TMEM243: variants seen among roughly 807,000 people sequenced by gnomAD.
The protein encoded by TMEM243 is transmembrane protein 243, also known as MDR1 and mitochondrial taxol resistance associated.
Under a neutral mutation model 15.0 loss-of-function variants are expected in TMEM243, and 20 were observed. The observed-to-expected ratio is 1.33, with a 90% CI of 0.94 to 1.93. TMEM243 has a LOEUF of 1.93. Among genes scored for constraint, TMEM243 ranks in the 30% most tolerant of loss-of-function variants. The pLI, the probability that TMEM243 is intolerant of heterozygous loss-of-function variation, is 0.00. For synonymous variants in TMEM243, 72 were observed against 52.7 expected (o/e 1.37, Z -1.59); for missense variants, 156 against 142.1 (o/e 1.10, Z -0.50).
chr7:87,214,871 A>G (rs1802994448), intron 1 of TMEM243, among the ~76,000 whole-genome samples: 1 of 152,216 alleles, frequency 6.6e-6, no homozygotes, highest in Admixed American at 6.5e-5. Flanking sequence ...TGTTTCATAT[A>G]CACCTTACAC....
At chr7:87,219,766 G>A, upstream of TMEM243, 1 of 494,966 alleles carries the variant, frequency 2.0e-6, no homozygotes, top group Non-Finnish European at 3.6e-6. Flanking sequence ...CAGACTCTCA[G>A]CGGGACGCCC....
At chr7:87,200,853 T>C (rs1562878003) in intron 1 of TMEM243, among the ~76,000 whole-genome samples, 1 of 152,190 alleles carries the variant, frequency 6.6e-6, no homozygotes, top group Non-Finnish European at 1.5e-5. Context: ...GTGCTAGTGC[T>C]GGTCTAGACA....
chr7:87,219,784 G>A, upstream of TMEM243: 2 of 457,838 alleles, frequency 4.4e-6, no homozygotes, highest in South Asian at 5.3e-5. Context: ...CCCCCGCCCG[G>A]GCAGCTCCCA....
At chr7:87,203,976 G>C (rs1442561017) in intron 1 of TMEM243, among the ~76,000 whole-genome samples, 1 of 152,120 alleles carries the variant, frequency 6.6e-6, no homozygotes, top group South Asian at 2.1e-4. Context: ...TGCTGATAAA[G>C]ACATACCCAA....
At chr7:87,219,381 C>T (rs763666571) in intron 1 of TMEM243, 45 bp downstream of exon 1, 1 of 1,587,686 alleles carries the variant, frequency 6.3e-7, no homozygotes, top group Non-Finnish European at 8.6e-7. Flanking sequence ...GGGCAGGCAG[C>T]AGACACACCC....
Position 87,219,603 on chromosome 7 carries a change from C to G in TMEM243, c.-100G>C, listed in dbSNP as rs755783344. 2 of 1,088,548 alleles carry G rather than the reference C, an allele frequency of 1.8e-6. No individual in the cohort carries two copies. The highest frequency in any genetic ancestry group is 2.5e-5 in the East Asian group (1 of 39,244). 67.4% of individuals were successfully genotyped at this position (1,088,548 alleles called of 1,614,324 possible). On this transcript the variant is annotated 5_prime_UTR_variant, in exon 1 of 4. Coordinates refer to ENST00000257637, the MANE Select transcript of TMEM243 (RefSeq NM_024315.4). ...CTGCAAGCCTCCTCCTCACGGCTCC[C>G]GCATAGCCGAACCCGAGTGGTCGGG...
chr7:87,219,619 A>C lies in TMEM243; in HGVS notation c.-116T>G, dbSNP rs908649305. ...CACGGCTCCCGCATAGCCGAACCCG[A>C]GTGGTCGGGGAAGCGCTGGCGCCAG... On this transcript the variant is annotated 5_prime_UTR_variant, in exon 1 of 4. Coordinates refer to ENST00000257637, the MANE Select transcript of TMEM243 (RefSeq NM_024315.4). 3.2e-6 allele frequency: 3 copies of C among 933,848 alleles called. No homozygotes were observed. The highest frequency in any genetic ancestry group is 3.3e-5 in the African/African-American group (2 of 60,506). 57.8% of individuals were successfully genotyped at this position (933,848 alleles called of 1,614,324 possible).
In TMEM243 at chr7:87,196,634, C is replaced by T. The variant is rs764555050; in HGVS notation, c.*2G>A. On this transcript the variant is annotated 3_prime_UTR_variant, in exon 4 of 4. Coordinates refer to ENST00000257637, the MANE Select transcript of TMEM243 (RefSeq NM_024315.4). The stretch of plus-strand genomic sequence containing the variant: ...CCTGGTAAGTACTTCTCCTTGGCAG[C>T]CTCACCTTCCCACATCATGGAAGTA... The T allele has an allele frequency of 5.6e-6, 9 of 1,607,558 alleles. No individual in the cohort carries two copies. The highest frequency in any genetic ancestry group is 1.1e-5 in the South Asian group (1 of 89,612).
intron 1 of TMEM243, among the ~76,000 whole-genome samples, chr7:87,201,474 A>G (rs2129223606): frequency 6.6e-6 from 1 of 152,316 alleles, no homozygotes; most frequent in Non-Finnish European, 1.5e-5. Context: ...AGCCATTTTT[A>G]AATATTAAGT....
At chr7:87,219,334 A>G in intron 1 of TMEM243, 92 bp downstream of exon 1, 1 of 1,272,818 alleles carries the variant, frequency 7.9e-7, no homozygotes, top group Non-Finnish European at 1.1e-6. Context: ...AAGTGCTTTT[A>G]GGAGCCGCAG....
intron 2 of TMEM243, chr7:87,198,648 A>T: frequency 3.4e-6 from 1 of 297,938 alleles, no homozygotes; most frequent in Non-Finnish European, 6.3e-6. Context: ...ACTGTGACCA[A>T]ATCTTTTAAA....
chr7:87,215,187 T>TA (rs761198676), intron 1 of TMEM243, among the ~76,000 whole-genome samples: 17 of 152,208 alleles, frequency 1.1e-4, no homozygotes, highest in Admixed American at 3.9e-4. Flanking sequence ...CTGTTTGAGA[T>TA]AGAGTCTTGT....
chr7:87,205,983 A>C (rs1220069944), intron 1 of TMEM243, among the ~76,000 whole-genome samples: 3 of 152,190 alleles, frequency 2.0e-5, no homozygotes, highest in African/African-American at 7.2e-5. Flanking sequence ...GTAATTTATA[A>C]AGAAAAAGAG....
chr7:87,204,556 T>C (rs930043824), intron 1 of TMEM243, among the ~76,000 whole-genome samples: 2 of 152,046 alleles, frequency 1.3e-5, no homozygotes, highest in Non-Finnish European at 2.9e-5. Context: ...CTGGCCAAAA[T>C]AAAGGGGCTA....
intron 1 of TMEM243, among the ~76,000 whole-genome samples, chr7:87,214,082 T>C (rs956124737): frequency 1.3e-5 from 2 of 152,216 alleles, no homozygotes; most frequent in African/African-American, 4.8e-5. Context: ...TTGCACTACA[T>C]GGCACCAAGT....
chr7:87,205,518 A>G (rs1359987065), intron 1 of TMEM243, among the ~76,000 whole-genome samples: 1 of 152,094 alleles, frequency 6.6e-6, no homozygotes, highest in African/African-American at 2.4e-5. Flanking sequence ...CTGCTTAGAA[A>G]TTTCTTCTGC....
chr7:87,208,194 A>G (rs940655148), intron 1 of TMEM243, among the ~76,000 whole-genome samples: 2 of 152,240 alleles, frequency 1.3e-5, no homozygotes, highest in Non-Finnish European at 2.9e-5. Context: ...TTTCAGCATT[A>G]ACTCAAAAGT....
At chr7:87,201,893 C>G (rs1354855313) in intron 1 of TMEM243, among the ~76,000 whole-genome samples, 1 of 152,150 alleles carries the variant, frequency 6.6e-6, no homozygotes, top group Non-Finnish European at 1.5e-5. Flanking sequence ...GGAAGCTTGA[C>G]AGGACAAAGG....
intron 1 of TMEM243, among the ~76,000 whole-genome samples, chr7:87,203,306 G>A (rs1038488259): frequency 1.3e-5 from 2 of 151,962 alleles, no homozygotes; most frequent in Admixed American, 1.3e-4. Flanking sequence ...GAATGGGGGG[G>A]AAAAAAAGCT....
Sources: allele counts gnomAD v4.1 joint callset (sites outside exome capture counted in the v4.1 genomes callset), GRCh38; gene constraint gnomAD v4.1.1; transcripts MANE v1.5; gene names NCBI Gene and HGNC (gene_info 2026-07-23, HGNC 2026-07-21).